The following CHMP5 variants were observed in gnomAD, a reference collection of about 807,000 sequenced individuals.
The protein encoded by CHMP5 is SNF7 domain containing 2.
In CHMP5, 17 loss-of-function variants were observed where a neutral mutation model predicts 33.0. That is an observed-to-expected ratio of 0.52 (90% CI 0.35 to 0.77). The LOEUF is 0.77. CHMP5 is among the 30% of genes least tolerant of loss of function. The pLI is 0.01. For missense variants in CHMP5, 216 were observed against 261.5 expected (o/e 0.83, Z 1.20); for synonymous variants, 76 against 90.2 (o/e 0.84, Z 0.89).
At chr9:33,267,393 A>C (rs1008153764) in intron 2 of CHMP5, among the ~76,000 whole-genome samples, 2 of 152,234 alleles carry the variant, frequency 1.3e-5, no homozygotes, top group Non-Finnish European at 2.9e-5. Context: ...AAGAAACAAC[A>C]GAAAGAGGAA....
chr9:33,265,106 C>T lies in CHMP5; in HGVS notation c.28C>T (p.Pro10Ser). Reference sequence around the variant, plus strand: ...GAACCGACTCTTCGGGAAAGCGAAACCCAAGGCTCCGCCGCCCAGCCTGAC... The same window carrying T: ...GAACCGACTCTTCGGGAAAGCGAAATCCAAGGCTCCGCCGCCCAGCCTGAC... MNRLFGKAK[P>S]KAPPPSLTDC... The change falls in exon 1 of 8, where the codon CCC becomes TCC. Residue 10 changes from proline to serine, a missense_variant. Pro to Ser is a moderately conservative substitution (Grantham distance 74, BLOSUM62 -1). Transcript: ENST00000223500. 6.2e-7 allele frequency: 1 copy of T among 1,614,182 alleles called. No homozygotes were observed. Among genetic ancestry groups the T allele is most frequent in the Non-Finnish European group, 8.5e-7 (1 of 1,180,026 alleles).
At chr9:33,265,257 C>G in intron 1 of CHMP5, 110 bp downstream of exon 1, 1 of 1,016,816 alleles carries the variant, frequency 9.8e-7, no homozygotes, top group Admixed American at 1.8e-5. Context: ...TCCTGGGCCC[C>G]TTACACGTCG....
intron 6 of CHMP5, among the ~76,000 whole-genome samples, chr9:33,277,213 AAG>A (rs1820866622): frequency 6.6e-6 from 1 of 151,492 alleles, no homozygotes; most frequent in Non-Finnish European, 1.5e-5. Flanking sequence ...AAAAAAAAAA[AAG>A]AATAGTTGGC....
intron 1 of CHMP5, 122 bp downstream of exon 1, chr9:33,265,269 C>A: frequency 1.2e-6 from 1 of 866,990 alleles, no homozygotes; most frequent in Non-Finnish European, 1.9e-6. Context: ...TACACGTCGT[C>A]CCTCTCTATC....
At chr9:33,266,861 C>A (rs1263035007) in intron 2 of CHMP5, among the ~76,000 whole-genome samples, 1 of 152,142 alleles carries the variant, frequency 6.6e-6, no homozygotes. Flanking sequence ...TAGTTGTGAC[C>A]TTGATAAAGT....
At chr9:33,273,420 C>T (rs548573204) in intron 5 of CHMP5, among the ~76,000 whole-genome samples, 14 of 152,268 alleles carry the variant, frequency 9.2e-5, no homozygotes, top group Non-Finnish European at 1.9e-4. Flanking sequence ...TTGTATGTCT[C>T]TTCGTCTTTC....
intron 2 of CHMP5, among the ~76,000 whole-genome samples, chr9:33,267,046 C>T (rs1238812917): frequency 6.6e-6 from 1 of 152,208 alleles, no homozygotes; most frequent in African/African-American, 2.4e-5. Flanking sequence ...ACCCACCTTA[C>T]AGTATGAGGA....
chr9:33,280,927 C>A lies in CHMP5; in HGVS notation c.*68C>A. Reference sequence around the variant, plus strand: ...ATGGGACTAGGAAATATTTATCTTTCCAAATTTGCCATAACAGATTTAGGT... The same window carrying A: ...ATGGGACTAGGAAATATTTATCTTTACAAATTTGCCATAACAGATTTAGGT... On this transcript the variant is annotated 3_prime_UTR_variant, in exon 8 of 8. Coordinates refer to ENST00000223500, the MANE Select transcript of CHMP5 (RefSeq NM_016410.6). The A allele has an allele frequency of 7.6e-7, 1 of 1,320,942 alleles. No homozygotes were observed. The highest frequency in any genetic ancestry group is 1.1e-6 in the Non-Finnish European group (1 of 950,996). The allele number at this position is 1,320,942 out of a possible 1,614,324, so 81.8% of individuals were successfully genotyped here.
intron 1 of CHMP5, among the ~76,000 whole-genome samples, chr9:33,265,507 C>T (rs1213853092): frequency 6.6e-6 from 1 of 152,196 alleles, no homozygotes; most frequent in African/African-American, 2.4e-5. Context: ...CTGTCATCCC[C>T]AGTCCACATC....
In CHMP5 at chr9:33,278,089, A is replaced by T. The variant is rs368619989; in HGVS notation, c.497-24A>T. 12 of 1,471,246 alleles carry T rather than the reference A, an allele frequency of 8.2e-6. No individual in the cohort carries two copies. In the African/African-American group the frequency reaches 1.5e-4, roughly 19 times the overall value. The allele number at this position is 1,471,246 out of a possible 1,614,324, so 91.1% of individuals were successfully genotyped here. A position where few individuals can be genotyped will look rare whatever the true frequency, so the allele number is the denominator to read the frequency against. On this transcript the variant is annotated intron_variant, in intron 6 of 7. Coordinates refer to ENST00000223500, the MANE Select transcript of CHMP5 (RefSeq NM_016410.6). ...CAGTTTTCTTGGTTACATTTTTTTT[A>T]AATGTTGACTGTTTCAATCTCAGAG...
chr9:33,276,199 G>T (rs1820852215), intron 5 of CHMP5, among the ~76,000 whole-genome samples: 1 of 152,132 alleles, frequency 6.6e-6, no homozygotes, highest in African/African-American at 2.4e-5. Context: ...AATTAGAAGG[G>T]ATGTTTTAAG....
rs755312569 is a variant in CHMP5, at chr9:33,265,057, G to T, written c.-22G>T. 6.2e-7 allele frequency: 1 copy of T among 1,614,134 alleles called. No individual in the cohort carries two copies. Among genetic ancestry groups the T allele is most frequent in the South Asian group, 1.1e-5 (1 of 91,084 alleles). ...GTTTCTGGTTTTGCTCTAGTGTTTG[G>T]GTTTCTTCGCGGCTGCTCAAGATGA... On this transcript the variant is annotated 5_prime_UTR_variant, in exon 1 of 8. Transcript: ENST00000223500.
rs924942859 is a variant in CHMP5 at position 33,278,188 on chromosome 9, C to T, written c.572C>T (p.Ala191Val). The change falls in exon 7 of 8, where the codon GCA becomes GTA. Residue 191 changes from alanine (A) to valine (V), a missense_variant. Physicochemically the swap from Ala to Val is moderately conservative, Grantham distance 64 (BLOSUM62 0). Coordinates refer to ENST00000223500, the MANE Select transcript of CHMP5 (RefSeq NM_016410.6). The part of the protein sequence containing the change: ...SYLDEAASAP[A>V]IPEGVPTDTK... ...TTGGATGAGGCAGCATCTGCACCTGCAATTCCAGAAGGTGTTCCCACTGAT... is the reference window on the plus strand; with the variant it reads ...TTGGATGAGGCAGCATCTGCACCTGTAATTCCAGAAGGTGTTCCCACTGAT... The T allele has an allele frequency of 3.1e-6, 5 of 1,612,782 alleles. No homozygotes were observed. Among genetic ancestry groups the T allele is most frequent in the Non-Finnish European group, 4.2e-6 (5 of 1,179,164 alleles).
At chr9:33,265,364 CTGCCA>C (rs1163717481) in intron 1 of CHMP5, among the ~76,000 whole-genome samples, 1 of 152,104 alleles carries the variant, frequency 6.6e-6, no homozygotes, top group Non-Finnish European at 1.5e-5. Context: ...CTGCCTTGCC[CTGCCA>C]GCACCCAACC....
At chr9:33,269,444 C>T (rs1386787156) in intron 3 of CHMP5, among the ~76,000 whole-genome samples, 1 of 151,840 alleles carries the variant, frequency 6.6e-6, no homozygotes, top group Non-Finnish European at 1.5e-5. Context: ...GCAGAGGTTA[C>T]AGTGAGCTGA....
intron 3 of CHMP5, among the ~76,000 whole-genome samples, chr9:33,270,357 A>G (rs749772312): frequency 3.3e-5 from 5 of 152,222 alleles, no homozygotes; most frequent in Non-Finnish European, 5.9e-5. Context: ...GAAAGTGCCT[A>G]ACAACATATT....
rs1389530839 is a variant in CHMP5, at chr9:33,265,213, GC to G, written c.69+70del. On this transcript the variant is annotated intron_variant, in intron 1 of 7. Transcript: ENST00000223500. ...ACACACCCGACCCCGCCCACCCCCA[GC>G]CCCGGGCCCATATTCTTCCACTTCA... 38 of 1,246,452 alleles carry G rather than the reference GC, an allele frequency of 3.0e-5. No individual in the cohort carries two copies. In the Middle Eastern group the frequency reaches 6.6e-4, roughly 22 times the overall value. 77.2% of individuals were successfully genotyped at this position (1,246,452 alleles called of 1,614,324 possible).
rs1820925016 is a variant in CHMP5, at chr9:33,281,781, A to G, written c.*922A>G. 1 of 152,190 alleles carries G rather than the reference A, an allele frequency of 6.6e-6. No individual in the cohort carries two copies. The highest frequency in any genetic ancestry group is 2.4e-5 in the African/African-American group (1 of 41,438). 9.4% of individuals were successfully genotyped at this position (152,190 alleles called of 1,614,324 possible). A position where few individuals can be genotyped will look rare whatever the true frequency, so the allele number is the denominator to read the frequency against. On this transcript the variant is annotated 3_prime_UTR_variant, in exon 8 of 8. Transcript: ENST00000223500. ...ACAGAGCTTTTGTGAGGAATAATTGAGGTAATGGTCATAAGTACCTTGTTA... is the reference window on the plus strand; with the variant it reads ...ACAGAGCTTTTGTGAGGAATAATTGGGGTAATGGTCATAAGTACCTTGTTA...
chr9:33,266,198 C>A, intron 2 of CHMP5, 84 bp downstream of exon 2: 1 of 827,196 alleles, frequency 1.2e-6, no homozygotes, highest in Non-Finnish European at 2.0e-6. Flanking sequence ...TTCGGCTGGG[C>A]GCAGTGGCTC....
Sources: allele counts gnomAD v4.1 joint callset (sites outside exome capture counted in the v4.1 genomes callset), GRCh38; gene constraint gnomAD v4.1.1; transcripts MANE v1.5; gene names NCBI Gene and HGNC (gene_info 2026-07-23, HGNC 2026-07-21).